The following MBP variants were observed in gnomAD, a reference collection of about 807,000 sequenced individuals.
The protein encoded by MBP is Golli-MBP.
MBP carries 16 observed loss-of-function variants against 35.8 expected under a neutral mutation model. The ratio of observed to expected loss-of-function variants is 0.45; its 90% CI spans 0.30 to 0.68. The LOEUF is 0.68. MBP is among the 30% of genes least tolerant of loss of function. The probability of loss-of-function intolerance (pLI) is 0.08; values close to 1 mark genes in which losing one functional copy is unlikely to be tolerated. For synonymous variants in MBP, 143 were observed against 159.6 expected, an observed-to-expected ratio of 0.90 and a Z score of 0.78; for missense variants, 380 against 404.7, an observed-to-expected ratio of 0.94 and a Z score of 0.52.
At chr18:77,090,069 A>G (rs1479049664) in intron 2 of MBP, among the ~76,000 whole-genome samples, 2 of 152,164 alleles carry the variant, frequency 1.3e-5, no homozygotes, top group Non-Finnish European at 2.9e-5. Flanking sequence ...CCTTCTGTGC[A>G]GTGTGGCCTT....
At chr18:77,048,110 C>T (rs139985457) in intron 3 of MBP, among the ~76,000 whole-genome samples, 200 of 152,322 alleles carry the variant, frequency 1.3e-3, no homozygotes, top group African/African-American at 4.4e-3. Flanking sequence ...TCTCGTTTGA[C>T]GCCCTTTTAA....
At chr18:76,992,464 C>T (rs1344502265) in intron 4 of MBP, among the ~76,000 whole-genome samples, 8 of 152,152 alleles carry the variant, frequency 5.3e-5, no homozygotes, top group African/African-American at 1.4e-4. Flanking sequence ...CGGTCCAGGG[C>T]CTGGGGGCTG....
chr18:77,077,357 CAAA>C (rs56002600), intron 2 of MBP, among the ~76,000 whole-genome samples: 5 of 107,736 alleles, frequency 4.6e-5, no homozygotes, highest in Non-Finnish European at 1.8e-5. Context: ...GACTCCGTCG[CAAA>C]AAAAAAAAAA....
chr18:77,111,372 G>T (rs530106408), intron 1 of MBP, among the ~76,000 whole-genome samples: 1 of 152,368 alleles, frequency 6.6e-6, no homozygotes, highest in African/African-American at 2.4e-5. Context: ...ATACCATGTA[G>T]AATTCAGGTA....
intron 3 of MBP, among the ~76,000 whole-genome samples, chr18:77,063,854 T>C (rs1005010623): frequency 2.0e-5 from 3 of 152,058 alleles, no homozygotes; most frequent in African/African-American, 7.2e-5. Context: ...AGAAGACCTT[T>C]TTATGTTATA....
At chr18:77,010,053 G>A in intron 4 of MBP, 1 of 664,374 alleles carries the variant, frequency 1.5e-6, no homozygotes. Flanking sequence ...GAGTGAGCGG[G>A]GGGTGGAGGA....
intron 2 of MBP, chr18:77,092,997 C>T (rs886124162): frequency 6.6e-6 from 1 of 152,250 alleles, no homozygotes; most frequent in Admixed American, 6.5e-5. Context: ...GTTGTGCTCT[C>T]AAAGTCTGTT....
intron 4 of MBP, chr18:77,016,624 G>A: frequency 7.1e-7 from 1 of 1,414,024 alleles, no homozygotes; most frequent in Non-Finnish European, 9.2e-7. Flanking sequence ...TCCCTTGTGA[G>A]GAAAAGAGGG....
chr18:77,129,359 G>A (rs1405211774), intron 1 of MBP, among the ~76,000 whole-genome samples: 1 of 152,210 alleles, frequency 6.6e-6, no homozygotes, highest in Admixed American at 6.5e-5. Flanking sequence ...GCTGGCATGT[G>A]GGAGATGTTG....
At chr18:77,083,127 A>G (rs568721897) in intron 2 of MBP, among the ~76,000 whole-genome samples, 1 of 152,162 alleles carries the variant, frequency 6.6e-6, no homozygotes, top group East Asian at 1.9e-4. Context: ...TGCCCTGCTA[A>G]GATTTTTTTT....
intron 2 of MBP, among the ~76,000 whole-genome samples, chr18:77,067,617 G>A (rs573540263): frequency 6.6e-5 from 10 of 152,304 alleles, no homozygotes; most frequent in African/African-American, 9.6e-5. Flanking sequence ...TTCACTGAGC[G>A]GGCGTCAGTG....
intron 3 of MBP, among the ~76,000 whole-genome samples, chr18:77,052,949 G>A (rs1040756261): frequency 3.9e-5 from 6 of 152,218 alleles, no homozygotes; most frequent in Admixed American, 2.6e-4. Flanking sequence ...GGAGCCACTG[G>A]CAAGGTTTTG....
intron 4 of MBP, among the ~76,000 whole-genome samples, chr18:77,007,590 T>C (rs1188549240): frequency 6.6e-6 from 1 of 152,312 alleles, no homozygotes; most frequent in African/African-American, 2.4e-5. Context: ...AACTTACGCT[T>C]ATCTTCATTT....
chr18:77,007,343 G>A (rs571422975), intron 4 of MBP, among the ~76,000 whole-genome samples: 40 of 152,324 alleles, frequency 2.6e-4, no homozygotes, highest in African/African-American at 9.1e-4. Context: ...ATATGCAAAT[G>A]GCGTGGGATT....
chr18:77,009,445 T>C (rs187240169), intron 4 of MBP, among the ~76,000 whole-genome samples: 1 of 152,312 alleles, frequency 6.6e-6, no homozygotes, highest in Non-Finnish European at 1.5e-5. Flanking sequence ...AGGCACTAGT[T>C]TTCAAAGCAA....
Position 77,028,721 on chromosome 18 carries a change from C to T in MBP, c.140-11453G>A, listed in dbSNP as rs1463577761. 5.2e-5 allele frequency among the ~76,000 whole-genome samples: 5 copies of T among 96,642 alleles called. 1 individual carries two copies. The highest frequency in any genetic ancestry group is 8.4e-5 in the African/African-American group (3 of 35,640). 63.4% of individuals were successfully genotyped at this position (96,642 alleles called of 152,430 possible). A position where few individuals can be genotyped will look rare whatever the true frequency, so the allele number is the denominator to read the frequency against. On this transcript the variant is annotated intron_variant, in intron 3 of 8. Coordinates refer to ENST00000355994, the MANE Select transcript of MBP (RefSeq NM_001025101.2). Reference sequence around the variant, plus strand: ...CCGGGCAGAGGCGCCCCTCACCTCCCGGACGGGGCGGCTGGCCAGGCGGGG... The same window carrying T: ...CCGGGCAGAGGCGCCCCTCACCTCCTGGACGGGGCGGCTGGCCAGGCGGGG...
At chr18:77,058,938 T>G (rs889234108) in intron 3 of MBP, among the ~76,000 whole-genome samples, 1 of 152,314 alleles carries the variant, frequency 6.6e-6, no homozygotes, top group Non-Finnish European at 1.5e-5. Flanking sequence ...GAGACCTGCC[T>G]GAGGGCCACC....
chr18:77,019,976 G>C (rs1401816558), intron 3 of MBP, among the ~76,000 whole-genome samples: 1 of 152,184 alleles, frequency 6.6e-6, no homozygotes, highest in African/African-American at 2.4e-5. Context: ...CCATCTGTGA[G>C]CAACAGCAGG....
chr18:77,066,083 G>A, intron 3 of MBP: 1 of 504,972 alleles, frequency 2.0e-6, no homozygotes, highest in Non-Finnish European at 3.5e-6. Context: ...GGCTGGTCTT[G>A]AGCTCCTGGG....
Sources: gnomAD v4.1 joint callset for allele counts (sites outside exome capture counted in the v4.1 genomes callset) on GRCh38, gnomAD v4.1.1 for gene constraint, MANE v1.5 for transcripts, NCBI Gene and HGNC (gene_info 2026-07-23, HGNC 2026-07-21) for gene names.